MAP3K1: variants seen among roughly 807,000 people sequenced by gnomAD.
MAP3K1 encodes the protein mitogen-activated protein kinase kinase kinase 1.
In MAP3K1, 36 loss-of-function variants were observed where a neutral mutation model predicts 144.2. The ratio of observed to expected loss-of-function variants is 0.25; its 90% confidence interval spans 0.19 to 0.33. MAP3K1 has a LOEUF of 0.33. Among genes scored for constraint, MAP3K1 ranks in the 10% least tolerant of loss-of-function variants. The probability of loss-of-function intolerance (pLI) is 1.00; values close to 1 mark genes in which losing one functional copy is unlikely to be tolerated. For synonymous variants in MAP3K1, 718 were observed against 688.7 expected (o/e 1.04, Z -0.67); for missense variants, 1,650 against 1,881.9 (o/e 0.88, Z 2.28).
rs937257820 is a variant in MAP3K1, at chr5:56,885,985, G to A, written c.4036G>A (p.Val1346Ile). 8.1e-6 allele frequency: 13 copies of A among 1,612,046 alleles called. No individual in the cohort carries two copies. Among genetic ancestry groups the A allele is most frequent in the African/African-American group, 2.7e-5 (2 of 74,880 alleles). The change falls in exon 17 of 20, where the codon GTT becomes ATT. Residue 1346 changes from valine (V) to isoleucine (I), a missense_variant. Val to Ile is a conservative substitution (Grantham distance 29, BLOSUM62 3). This residue lies in a region of MAP3K1 where 165 missense variants were observed against 322.9 expected (regional missense o/e 0.51). Transcript: ENST00000399503. ...SKYGAFKESV[V>I]INYTEQLLRG... ...ATATGGAGCCTTCAAAGAATCAGTA[G>A]TTATTAACTACACTGAACAGTTACT...
rs190413 is a variant in MAP3K1, at chr5:56,894,704, G to A, written c.*1024G>A. The A allele has an allele frequency of 0.97, 225,377 of 232,370 alleles. 109,377 individuals carry two copies. Among genetic ancestry groups the A allele is most frequent in the African/African-American group, 0.99 (45,133 of 45,434 alleles). The allele number at this position is 232,370 out of a possible 1,614,324, so 14.4% of individuals were successfully genotyped here. Reference sequence around the variant, plus strand: ...CCATCATTCACCTTCACTACTGGTAGTAACATAGAGCTGCCATTTTCCTTT... The same window carrying A: ...CCATCATTCACCTTCACTACTGGTAATAACATAGAGCTGCCATTTTCCTTT... On this transcript the variant is annotated 3_prime_UTR_variant, in exon 20 of 20. Coordinates refer to ENST00000399503, the MANE Select transcript of MAP3K1 (RefSeq NM_005921.2).
At position 56,881,779 on chromosome 5, in the gene MAP3K1, C is replaced by T. The variant is rs1561199421; in HGVS notation, c.2579C>T (p.Ala860Val). ...TRMRRRLMAI[A>V]DEVEIAEAIQ... is the part of the protein sequence containing the mutation. ...ATGCGTCGCCGTTTGATGGCTATTG[C>T]AGATGAGGTGGAAATTGCCGAAGCC... The change falls in exon 14 of 20, where the codon GCA becomes GTA. Residue 860 changes from alanine to valine, a missense_variant. By Grantham distance (64) the Ala-to-Val change is moderately conservative. Transcript: ENST00000399503. 1 of 1,614,082 alleles carries T rather than the reference C, an allele frequency of 6.2e-7. No homozygotes were observed. Among genetic ancestry groups the T allele is most frequent in the Non-Finnish European group, 8.5e-7 (1 of 1,180,014 alleles).
chr5:56,846,686 C>G (rs1747007577), intron 1 of MAP3K1, among the ~76,000 whole-genome samples: 1 of 152,134 alleles, frequency 6.6e-6, no homozygotes, highest in Admixed American at 6.5e-5. Flanking sequence ...GTGTATTTGA[C>G]TTGTTTGGAT....
At chr5:56,848,155 T>G (rs904992257) in intron 1 of MAP3K1, among the ~76,000 whole-genome samples, 1 of 152,190 alleles carries the variant, frequency 6.6e-6, no homozygotes, top group Admixed American at 6.5e-5. Context: ...TGATACTGAC[T>G]AGTAGCTCTC....
At chr5:56,849,094 T>G (rs1279040686) in intron 1 of MAP3K1, among the ~76,000 whole-genome samples, 1 of 152,148 alleles carries the variant, frequency 6.6e-6, no homozygotes, top group African/African-American at 2.4e-5. Flanking sequence ...TGCCTGTAAT[T>G]CTAGCACTTT....
chr5:56,869,945 T>A (rs1251990714), intron 6 of MAP3K1, among the ~76,000 whole-genome samples: 1 of 152,182 alleles, frequency 6.6e-6, no homozygotes, highest in Non-Finnish European at 1.5e-5. Flanking sequence ...GACAGACTAG[T>A]AAGTGTGCCT....
intron 1 of MAP3K1, among the ~76,000 whole-genome samples, chr5:56,852,671 A>T (rs1488098917): frequency 1.3e-5 from 2 of 152,148 alleles, no homozygotes; most frequent in Non-Finnish European, 2.9e-5. Flanking sequence ...TTATTTTTTT[A>T]AGGTCAAAAG....
At chr5:56,817,306 C>T (rs183947160) in intron 1 of MAP3K1, among the ~76,000 whole-genome samples, 1 of 151,996 alleles carries the variant, frequency 6.6e-6, no homozygotes, top group South Asian at 2.1e-4. Flanking sequence ...TGTGATAGTC[C>T]CTCGTGGCCC....
intron 1 of MAP3K1, among the ~76,000 whole-genome samples, chr5:56,829,313 G>A (rs1275755294): frequency 6.6e-6 from 1 of 151,218 alleles, no homozygotes; most frequent in African/African-American, 2.4e-5. Flanking sequence ...CTCCTGCGTA[G>A]CTGGGACCAC....
At chr5:56,862,498 ACT>A (rs1212320754) in intron 3 of MAP3K1, among the ~76,000 whole-genome samples, 1 of 152,122 alleles carries the variant, frequency 6.6e-6, no homozygotes, top group Non-Finnish European at 1.5e-5. Context: ...CCCAAAACCC[ACT>A]TTGGGCATAT....
At chr5:56,823,164 A>T (rs1746204685) in intron 1 of MAP3K1, among the ~76,000 whole-genome samples, 1 of 152,198 alleles carries the variant, frequency 6.6e-6, no homozygotes, top group Non-Finnish European at 1.5e-5. Flanking sequence ...AAAGACCAGG[A>T]AATCTTTAAC....
rs540610614 is a variant in MAP3K1, at chr5:56,891,939, C to T, written c.4390-1592C>T. On this transcript the variant is annotated intron_variant, in intron 19 of 19. Coordinates refer to ENST00000399503, the MANE Select transcript of MAP3K1 (RefSeq NM_005921.2). The stretch of plus-strand genomic sequence containing the variant: ...ACCATGCTGTTTTGGTTACTGTAGC[C>T]TTGTAGTATAGTTTGAAGTCAGGTA... 1.8e-4 allele frequency among the ~76,000 whole-genome samples: 27 copies of T among 152,192 alleles called. No homozygotes were observed. In the East Asian group the frequency reaches 1.9e-3, roughly 11 times the overall value.
intron 1 of MAP3K1, among the ~76,000 whole-genome samples, chr5:56,848,167 G>A (rs1747056428): frequency 6.6e-6 from 1 of 151,840 alleles, no homozygotes; most frequent in Admixed American, 6.6e-5. Context: ...GTAGCTCTCT[G>A]TCTTTTGTAA....
chr5:56,883,459 C>T, intron 14 of MAP3K1, 68 bp from the exon 15 acceptor site: 1 of 1,462,674 alleles, frequency 6.8e-7, no homozygotes, highest in East Asian at 2.3e-5. Flanking sequence ...AGAATAATAT[C>T]TTGCAGACTA....
chr5:56,829,092 C>T (rs1746406938), intron 1 of MAP3K1, among the ~76,000 whole-genome samples: 1 of 152,034 alleles, frequency 6.6e-6, no homozygotes, highest in Non-Finnish European at 1.5e-5. Context: ...TGGAATAAGA[C>T]TGTTTAACTG....
rs1483289809 is a variant in MAP3K1, at chr5:56,872,886, G to A, written c.1567G>A (p.Val523Ile). ...SSLRAAQQQTVQQQPLAGSRR... is the reference protein window; with the variant it reads ...SSLRAAQQQTIQQQPLAGSRR... The stretch of plus-strand genomic sequence containing the variant: ...CCTCAGAGCTGCACAGCAGCAAACC[G>A]TACAGCAGCAGCCTTTGGCTGGATC... The change falls in exon 9 of 20, where the codon GTA becomes ATA. Residue 523 changes from valine (V) to isoleucine (I), a missense_variant. By Grantham distance (29) the Val-to-Ile change is conservative. Transcript: ENST00000399503. 1.1e-5 allele frequency: 18 copies of A among 1,614,002 alleles called. No individual in the cohort carries two copies. Among genetic ancestry groups the A allele is most frequent in the African/African-American group, 4.0e-5 (3 of 74,920 alleles).
chr5:56,871,893 C>G lies in MAP3K1; in HGVS notation c.1302-17C>G. 1.2e-6 allele frequency: 2 copies of G among 1,612,798 alleles called. No homozygotes were observed. Among genetic ancestry groups the G allele is most frequent in the South Asian group, 2.2e-5 (2 of 91,050 alleles). ...TATTCTTTTATGCTTAATACTTTTT[C>G]TTCCCCTTTTCTATAGCATAAAGGA... On this transcript the variant is annotated splice_polypyrimidine_tract_variant and intron_variant, in intron 6 of 19. Transcript: ENST00000399503.
chr5:56,864,373 A>G (rs1255768831), intron 3 of MAP3K1, among the ~76,000 whole-genome samples: 2 of 132,298 alleles, frequency 1.5e-5, no homozygotes, highest in East Asian at 4.4e-4. Flanking sequence ...TTTGGATAAT[A>G]GTTTCTTTTT....
At position 56,895,306 on chromosome 5, in the gene MAP3K1, T is replaced by C. The variant is rs1219755857; in HGVS notation, c.*1626T>C. Reference sequence around the variant, plus strand: ...GCGATATTTGAAGAGTTAAAAATAGTACAGAAATGTGAAGTTTGGTATCTC... The same window carrying C: ...GCGATATTTGAAGAGTTAAAAATAGCACAGAAATGTGAAGTTTGGTATCTC... On this transcript the variant is annotated 3_prime_UTR_variant, in exon 20 of 20. Coordinates refer to ENST00000399503, the MANE Select transcript of MAP3K1 (RefSeq NM_005921.2). 3 of 232,096 alleles carry C rather than the reference T, an allele frequency of 1.3e-5. No homozygotes were observed. Among genetic ancestry groups the C allele is most frequent in the African/African-American group, 4.4e-5 (2 of 45,314 alleles). The allele number at this position is 232,096 out of a possible 1,614,324, so 14.4% of individuals were successfully genotyped here.
Sources: gnomAD v4.1 joint callset for allele counts (sites outside exome capture counted in the v4.1 genomes callset) on GRCh38, gnomAD v4.1.1 for gene constraint, gnomAD v4.1.1 regional missense constraint, MANE v1.5 for transcripts, NCBI Gene and HGNC (gene_info 2026-07-23, HGNC 2026-07-21) for gene names.